ADARB2: variants seen among roughly 807,000 people sequenced by gnomAD.
ADARB2 encodes the protein inactive double-stranded RNA-specific editase B2.
In ADARB2, 25 loss-of-function variants were observed where a neutral mutation model predicts 62.2. That is an observed-to-expected ratio of 0.40 (90% CI 0.29 to 0.56). ADARB2 has a LOEUF of 0.56. Among genes scored for constraint, ADARB2 ranks in the 20% least tolerant of loss-of-function variants. ADARB2 has a pLI of 0.43. For missense variants in ADARB2, 1,071 were observed against 1,077.4 expected (o/e 0.99, Z 0.08); for synonymous variants, 572 against 500.8 (o/e 1.14, Z -1.90).
chr10:1,270,862 AAG>A (rs1210352225), intron 4 of ADARB2, 91 bp downstream of exon 4: 4 of 1,082,288 alleles, frequency 3.7e-6, no homozygotes, highest in Non-Finnish European at 5.5e-6. Context: ...CCTGTTGTGG[AAG>A]AGAGAGCCTT....
intron 2 of ADARB2, among the ~76,000 whole-genome samples, chr10:1,374,744 T>G (rs549665260): frequency 1.3e-5 from 2 of 152,362 alleles, no homozygotes; most frequent in Admixed American, 1.3e-4. Flanking sequence ...TGGGACCGCA[T>G]GCATCACTAA....
At chr10:1,463,447 C>T (rs1272921496) in intron 1 of ADARB2, among the ~76,000 whole-genome samples, 1 of 152,178 alleles carries the variant, frequency 6.6e-6, no homozygotes, top group Non-Finnish European at 1.5e-5. Flanking sequence ...GAAGAGGCAG[C>T]AGGTTTGATG....
Position 1,692,559 on chromosome 10 carries a change from G to A in ADARB2, c.100+44492C>T, listed in dbSNP as rs189364276. ...GGCTGGCAGACTACGGAGCAGGAGT[G>A]TTTCCTCATTCAGTAGTGACAGCCA... On this transcript the variant is annotated intron_variant, in intron 1 of 9. Coordinates refer to ENST00000381312, the MANE Select transcript of ADARB2 (RefSeq NM_018702.4). Among the ~76,000 whole-genome samples, 527 of 152,262 alleles carry A rather than the reference G, an allele frequency of 3.5e-3. 5 individuals are homozygous for A. The highest frequency in any genetic ancestry group is 0.024 in the South Asian group (115 of 4,822).
intron 2 of ADARB2, among the ~76,000 whole-genome samples, chr10:1,366,841 T>C (rs1832318142): frequency 6.6e-6 from 1 of 152,246 alleles, no homozygotes; most frequent in African/African-American, 2.4e-5. Context: ...CCTTCACTCA[T>C]TGGCTTTGTC....
chr10:1,675,971 G>A (rs1265813304), intron 1 of ADARB2: 2 of 976,438 alleles, frequency 2.0e-6, no homozygotes, highest in South Asian at 4.7e-5. Flanking sequence ...ATGAAGATGT[G>A]GAGTAAGGGC....
chr10:1,737,389 G>A lies in ADARB2; in HGVS notation c.-239C>T. 1 of 494,110 alleles carries A rather than the reference G, an allele frequency of 2.0e-6. No individual in the cohort carries two copies. Among genetic ancestry groups the A allele is most frequent in the Non-Finnish European group, 3.6e-6 (1 of 275,608 alleles). 30.6% of individuals were successfully genotyped at this position (494,110 alleles called of 1,614,324 possible). On this transcript the variant is annotated 5_prime_UTR_variant, in exon 1 of 10. Coordinates refer to ENST00000381312, the MANE Select transcript of ADARB2 (RefSeq NM_018702.4). ...GGGCGCCTGGAGCGAGCTGCTCCCT[G>A]GTCAGGGAGGGCGGGGAAGGGCGCG...
At chr10:1,479,468 C>T (rs1431234730) in intron 1 of ADARB2, among the ~76,000 whole-genome samples, 1 of 152,124 alleles carries the variant, frequency 6.6e-6, no homozygotes, top group Non-Finnish European at 1.5e-5. Flanking sequence ...TTTGGTAGAG[C>T]AGCTTGGAGT....
chr10:1,543,920 T>C (rs1425081852), intron 1 of ADARB2, among the ~76,000 whole-genome samples: 5 of 150,318 alleles, frequency 3.3e-5, no homozygotes, highest in Admixed American at 2.0e-4. Context: ...TAAGAACTTA[T>C]CTCTTGCAAA....
At chr10:1,710,913 G>A (rs550598386) in intron 1 of ADARB2, among the ~76,000 whole-genome samples, 28 of 152,272 alleles carry the variant, frequency 1.8e-4, no homozygotes, top group African/African-American at 6.5e-4. Flanking sequence ...GGCCTGTCCG[G>A]TGGTCCTGCA....
intron 1 of ADARB2, among the ~76,000 whole-genome samples, chr10:1,502,096 A>C (rs1399608026): frequency 1.3e-5 from 2 of 152,222 alleles, no homozygotes; most frequent in Non-Finnish European, 2.9e-5. Context: ...ACTGGCAAGG[A>C]AGGATGCCAC....
intron 1 of ADARB2, among the ~76,000 whole-genome samples, chr10:1,627,815 G>A (rs1833790572): frequency 6.6e-6 from 1 of 152,122 alleles, no homozygotes; most frequent in African/African-American, 2.4e-5. Context: ...AAATAAAACC[G>A]AGACACAGCC....
intron 1 of ADARB2, chr10:1,556,642 A>C (rs768219576): frequency 1.9e-6 from 1 of 532,262 alleles, no homozygotes; most frequent in Non-Finnish European, 3.9e-6. Flanking sequence ...CTGTTCTCAC[A>C]TCACATTGCG....
chr10:1,647,218 C>T (rs781060493), intron 1 of ADARB2, among the ~76,000 whole-genome samples: 1 of 152,164 alleles, frequency 6.6e-6, no homozygotes, highest in African/African-American at 2.4e-5. Flanking sequence ...GAAGAAAGTG[C>T]TTTAGAGTTC....
intron 3 of ADARB2, among the ~76,000 whole-genome samples, chr10:1,341,726 C>T (rs530295309): frequency 6.6e-6 from 1 of 151,840 alleles, no homozygotes; most frequent in Non-Finnish European, 1.5e-5. Flanking sequence ...GAACCACGTG[C>T]CCCACAGCGG....
chr10:1,414,307 G>T (rs980278575), intron 1 of ADARB2, among the ~76,000 whole-genome samples: 1 of 152,216 alleles, frequency 6.6e-6, no homozygotes, highest in Non-Finnish European at 1.5e-5. Flanking sequence ...GAACATGTCT[G>T]GTGGCCAGGG....
At chr10:1,553,485 C>T (rs1445342553) in intron 1 of ADARB2, among the ~76,000 whole-genome samples, 1 of 152,110 alleles carries the variant, frequency 6.6e-6, no homozygotes, top group Non-Finnish European at 1.5e-5. Context: ...GCCAGAAGAC[C>T]CTTTAATCAG....
rs111582183 is a variant in ADARB2, at chr10:1,409,860, C to T, written c.101-30700G>A. Among the ~76,000 whole-genome samples, 258 of 113,724 alleles carry T rather than the reference C, an allele frequency of 2.3e-3. 21 individuals are homozygous for T. The highest frequency in any genetic ancestry group is 7.4e-3 in the African/African-American group (249 of 33,570). The allele number at this position is 113,724 out of a possible 152,430, so 74.6% of individuals were successfully genotyped here. A position where few individuals can be genotyped will look rare whatever the true frequency, so the allele number is the denominator to read the frequency against. Reference sequence around the variant, plus strand: ...GGCCGTGGTCACAGGGAATGATCCTCATTGGTGCTGAGGCCTGGCTGTGGT... The same window carrying T: ...GGCCGTGGTCACAGGGAATGATCCTTATTGGTGCTGAGGCCTGGCTGTGGT... On this transcript the variant is annotated intron_variant, in intron 1 of 9. Transcript: ENST00000381312.
chr10:1,274,295 G>A (rs374159303), intron 3 of ADARB2, among the ~76,000 whole-genome samples: 2 of 152,228 alleles, frequency 1.3e-5, no homozygotes, highest in African/African-American at 4.8e-5. Context: ...GGGGTTCACT[G>A]TCGTTGCCAG....
rs373959542 is a variant in ADARB2, at chr10:1,570,491, G to A, written c.100+166560C>T. On this transcript the variant is annotated intron_variant, in intron 1 of 9. Coordinates refer to ENST00000381312, the MANE Select transcript of ADARB2 (RefSeq NM_018702.4). ...GCACGGCAGGAAAGGCCTCCCTCCC[G>A]AGTGTGTCTCTAAGCCTGGTGGCTT... 4.6e-4 allele frequency among the ~76,000 whole-genome samples: 70 copies of A among 152,340 alleles called. 1 individual carries two copies. In the South Asian group the frequency reaches 0.011, roughly 23 times the overall value.
Sources: gnomAD v4.1 joint callset for allele counts (sites outside exome capture counted in the v4.1 genomes callset) on GRCh38, gnomAD v4.1.1 for gene constraint, MANE v1.5 for transcripts, NCBI Gene and HGNC (gene_info 2026-07-23, HGNC 2026-07-21) for gene names.